Variants in RPH3A observed in about 807,000 individuals in gnomAD.
RPH3A encodes rabphilin-3A.
Under a neutral mutation model 102.2 loss-of-function variants are expected in RPH3A, and 48 were observed. The observed-to-expected ratio is 0.47, with a 90% CI of 0.37 to 0.60. The LOEUF (loss-of-function observed/expected upper bound fraction) is 0.60, where lower values mean the gene tolerates loss of function less well. Among genes scored for constraint, RPH3A ranks in the 20% least tolerant of loss-of-function variants. RPH3A has a pLI of 0.00. For missense variants in RPH3A, 781 were observed against 910.1 expected (o/e 0.86, Z 1.83); for synonymous variants, 310 against 324.3 (o/e 0.96, Z 0.47).
rs541546616 is a variant in RPH3A at position 112,655,408 on chromosome 12, G to A, written c.-140+80089G>A. On this transcript the variant is annotated intron_variant, in intron 1 of 21. Coordinates refer to the RPH3A transcript ENST00000543106. ...TAGCAGTAAACTCAACATCATAGTCGGGTCCAGCCTTTTCTTTCAGCATTG... is the reference window on the plus strand; with the variant it reads ...TAGCAGTAAACTCAACATCATAGTCAGGTCCAGCCTTTTCTTTCAGCATTG... 2.6e-5 allele frequency among the ~76,000 whole-genome samples: 4 copies of A among 152,114 alleles called. No individual in the cohort carries two copies. In the South Asian group the frequency reaches 6.2e-4, roughly 24 times the overall value.
At chr12:112,859,342 A>G (rs1451599158) in intron 5 of RPH3A, among the ~76,000 whole-genome samples, 1 of 152,220 alleles carries the variant, frequency 6.6e-6, no homozygotes, top group Non-Finnish European at 1.5e-5. Flanking sequence ...GCTTTTAACC[A>G]TCGGCCACAT....
chr12:112,595,940 C>A (rs182478003), intron 1 of RPH3A, among the ~76,000 whole-genome samples: 4 of 152,178 alleles, frequency 2.6e-5, no homozygotes, highest in African/African-American at 9.6e-5. Context: ...TTCCATTTCT[C>A]TGACACTACT....
chr12:112,750,953 G>T (rs1222965625), intron 1 of RPH3A, among the ~76,000 whole-genome samples: 1 of 152,064 alleles, frequency 6.6e-6, no homozygotes, highest in African/African-American at 2.4e-5. Context: ...AGTTGTCGGG[G>T]ACCATCTTGA....
At chr12:112,689,410 T>A (rs986508743) in intron 1 of RPH3A, among the ~76,000 whole-genome samples, 3 of 152,214 alleles carry the variant, frequency 2.0e-5, no homozygotes, top group African/African-American at 7.2e-5. Flanking sequence ...AAGTACTGTA[T>A]GGGTAACAAA....
At chr12:112,840,834 G>A (rs2042128953) in intron 4 of RPH3A, among the ~76,000 whole-genome samples, 1 of 152,096 alleles carries the variant, frequency 6.6e-6, no homozygotes, top group Admixed American at 6.6e-5. Context: ...ATTTCTTCCT[G>A]CAGCCAGGAC....
chr12:112,739,511 A>C (rs557605846), intron 1 of RPH3A, among the ~76,000 whole-genome samples: 5 of 152,306 alleles, frequency 3.3e-5, no homozygotes, highest in Middle Eastern at 3.4e-3. Flanking sequence ...TGAGAAGGTC[A>C]TCTGGCCTCC....
At position 112,640,325 on chromosome 12, in the gene RPH3A, CAAAAAAAAAAAAAAAAAAAAAAAA is replaced by C. The variant is rs1158230534; in HGVS notation, c.-140+65024_-140+65047del. Reference sequence around the variant, plus strand: ...GGTCAACAAGAGCAAAACTCCATCTCAAAAAAAAAAAAAAAAAAAAAAAAAAAAAAAAAAAAAAAAAGCAGCAGG... The same window carrying C: ...GGTCAACAAGAGCAAAACTCCATCTCAAAAAAAAAAAAAAAAAGCAGCAGG... On this transcript the variant is annotated intron_variant, in intron 1 of 21. Coordinates refer to the RPH3A transcript ENST00000543106. 5.3e-3 allele frequency among the ~76,000 whole-genome samples: 74 copies of C among 14,076 alleles called. 3 individuals are homozygous for C. In the East Asian group the frequency reaches 0.067, roughly 13 times the overall value. 9.2% of individuals were successfully genotyped at this position (14,076 alleles called of 152,430 possible).
chr12:112,707,806 T>C (rs1437547416), intron 1 of RPH3A, among the ~76,000 whole-genome samples: 1 of 152,218 alleles, frequency 6.6e-6, no homozygotes, highest in Non-Finnish European at 1.5e-5. Flanking sequence ...GGTGTAATGG[T>C]GCCAGGCCCA....
rs2891411 is a variant in RPH3A at position 112,875,665 on chromosome 12, C to T, written c.884-14C>T. The T allele has an allele frequency of 0.42, 682,583 of 1,607,316 alleles. 149,644 individuals are homozygous for T. The highest frequency in any genetic ancestry group is 0.66 in the African/African-American group (49,016 of 74,712). On this transcript the variant is annotated splice_polypyrimidine_tract_variant and intron_variant, in intron 11 of 21. Coordinates refer to ENST00000389385, the MANE Select transcript of RPH3A (RefSeq NM_001143854.2). The stretch of plus-strand genomic sequence containing the variant: ...TCTCTGCTGCATCTCTGTTTGTCTC[C>T]TCTCCCTGCTCAGGGACCCCAGGAG...
intron 8 of RPH3A, 200 bp from the exon 9 acceptor site, chr12:112,869,559 A>G (rs2042669914): frequency 5.0e-6 from 3 of 599,016 alleles, no homozygotes; most frequent in Non-Finnish European, 5.9e-6. Flanking sequence ...GTGTATGCTC[A>G]TATGTGTTTG....
chr12:112,815,084 C>A (rs2041648785), intron 2 of RPH3A, among the ~76,000 whole-genome samples: 2 of 152,142 alleles, frequency 1.3e-5, no homozygotes, highest in Non-Finnish European at 2.9e-5. Context: ...TATACCCCAG[C>A]CTGTCTCTCC....
At chr12:112,612,078 A>G (rs986156409) in intron 1 of RPH3A, among the ~76,000 whole-genome samples, 2 of 152,226 alleles carry the variant, frequency 1.3e-5, no homozygotes, top group African/African-American at 4.8e-5. Flanking sequence ...AATAAAGTGG[A>G]AACAAAACAG....
At chr12:112,740,441 C>T (rs140183459) in intron 1 of RPH3A, among the ~76,000 whole-genome samples, 1 of 152,240 alleles carries the variant, frequency 6.6e-6, no homozygotes, top group African/African-American at 2.4e-5. Flanking sequence ...AGTGACTAAG[C>T]CTGGGAACTT....
At chr12:112,618,517 G>A (rs2039698026) in intron 1 of RPH3A, among the ~76,000 whole-genome samples, 1 of 152,158 alleles carries the variant, frequency 6.6e-6, no homozygotes, top group East Asian at 1.9e-4. Flanking sequence ...GTTGCTTACT[G>A]AAATGTTTCT....
At chr12:112,650,612 C>T (rs866722634) in intron 1 of RPH3A, 18 of 152,014 alleles carry the variant, frequency 1.2e-4, no homozygotes, top group African/African-American at 4.1e-4. Flanking sequence ...TATGCCAGCT[C>T]TGTGAAGCAG....
chr12:112,891,066 G>A, intron 19 of RPH3A, 63 bp downstream of exon 19: 1 of 1,576,532 alleles, frequency 6.3e-7, no homozygotes, highest in Non-Finnish European at 8.7e-7. Flanking sequence ...TGGAAAAGGA[G>A]AACCAGACAG....
chr12:112,648,650 TG>T (rs2039951695), intron 1 of RPH3A, among the ~76,000 whole-genome samples: 1 of 118,174 alleles, frequency 8.5e-6, no homozygotes, highest in African/African-American at 3.3e-5. Context: ...AAGGCTGAGG[TG>T]GGAGGATCGT....
chr12:112,870,579 T>C (rs1186222195), intron 10 of RPH3A, among the ~76,000 whole-genome samples: 2 of 152,178 alleles, frequency 1.3e-5, no homozygotes, highest in African/African-American at 2.4e-5. Context: ...AGGAAATGTC[T>C]ACCATATTGG....
At chr12:112,811,954 C>T (rs755545655) in intron 2 of RPH3A, among the ~76,000 whole-genome samples, 29 of 151,920 alleles carry the variant, frequency 1.9e-4, no homozygotes, top group Non-Finnish European at 3.8e-4. Flanking sequence ...TCTCATCGTT[C>T]TGCTTTCTTC....
Sources: allele counts gnomAD v4.1 joint callset (sites outside exome capture counted in the v4.1 genomes callset), GRCh38; gene constraint gnomAD v4.1.1; transcripts MANE v1.5; gene names NCBI Gene and HGNC (gene_info 2026-07-23, HGNC 2026-07-21).